Variants in PTCSC3 observed in about 807,000 individuals in gnomAD.
The protein encoded by PTCSC3 is papillary thyroid carcinoma susceptibility candidate 3.
intron 2 of PTCSC3, among the ~76,000 whole-genome samples, chr14:36,157,814 G>T (rs1881862414): frequency 1.3e-5 from 2 of 152,138 alleles, no homozygotes; most frequent in Non-Finnish European, 2.9e-5. Context: ...GTAGCTTGAT[G>T]GGGATAGCAT....
chr14:36,149,056 T>C (rs1881663362), intron 3 of PTCSC3, among the ~76,000 whole-genome samples: 1 of 151,992 alleles, frequency 6.6e-6, no homozygotes, highest in Non-Finnish European at 1.5e-5. Flanking sequence ...GTTATATAAC[T>C]CTTTCTCTAG....
At position 36,142,976 on chromosome 14, in the gene PTCSC3, A is replaced by T. The variant is rs576126008; in HGVS notation, n.323-6620T>A. 3.4e-3 allele frequency among the ~76,000 whole-genome samples: 514 copies of T among 152,200 alleles called. 2 individuals are homozygous for T. The highest frequency in any genetic ancestry group is 9.6e-3 in the African/African-American group (399 of 41,504). ...TCCAATTTCACCCATGTCCCTACAA[A>T]GGACATGAACTCATCATTTTTTATG... is the stretch of plus-strand genomic sequence containing the variant. On this transcript the variant is annotated intron_variant and non_coding_transcript_variant, in intron 3 of 3. Coordinates refer to ENST00000556013, the Ensembl canonical transcript of PTCSC3.
intron 1 of PTCSC3, among the ~76,000 whole-genome samples, chr14:36,174,098 T>C (rs1279641037): frequency 1.3e-5 from 2 of 152,138 alleles, no homozygotes; most frequent in African/African-American, 4.8e-5. Context: ...TGTGGGTTCG[T>C]TGAAATTCTT....
intron 1 of PTCSC3, among the ~76,000 whole-genome samples, chr14:36,172,902 AAAGT>A (rs1882214478): frequency 1.3e-5 from 2 of 152,114 alleles, no homozygotes; most frequent in South Asian, 2.1e-4. Context: ...CTGTGATCAT[AAAGT>A]AATTGGCTCT....
chr14:36,142,929 T>A (rs1421597746), intron 3 of PTCSC3, among the ~76,000 whole-genome samples: 4 of 151,678 alleles, frequency 2.6e-5, no homozygotes, highest in African/African-American at 9.7e-5. Context: ...GTTATTGCGA[T>A]AGTTTACTGA....
intron 3 of PTCSC3, among the ~76,000 whole-genome samples, chr14:36,138,724 A>G (rs574353125): frequency 5.3e-5 from 8 of 152,360 alleles, no homozygotes; most frequent in African/African-American, 1.9e-4. Context: ...TGGGAATGTA[A>G]AATTATATAA....
At chr14:36,169,539 C>T (rs1356242230) in intron 1 of PTCSC3, among the ~76,000 whole-genome samples, 1 of 152,056 alleles carries the variant, frequency 6.6e-6, no homozygotes, top group Non-Finnish European at 1.5e-5. Flanking sequence ...TGCTCTCTTT[C>T]TCTAGTTGGT....
intron 3 of PTCSC3, among the ~76,000 whole-genome samples, chr14:36,147,247 C>T (rs1165229370): frequency 6.6e-6 from 1 of 152,190 alleles, no homozygotes; most frequent in East Asian, 1.9e-4. Flanking sequence ...GGATAATATC[C>T]TGCAGCATGT....
intron 3 of PTCSC3, among the ~76,000 whole-genome samples, chr14:36,150,311 C>T (rs1881692116): frequency 6.6e-6 from 1 of 152,046 alleles, no homozygotes; most frequent in Non-Finnish European, 1.5e-5. Context: ...TATAAAGAGG[C>T]CCAAGGCACT....
At chr14:36,168,470 G>A (rs1882137349) in intron 1 of PTCSC3, among the ~76,000 whole-genome samples, 1 of 149,526 alleles carries the variant, frequency 6.7e-6, no homozygotes, top group Admixed American at 6.7e-5. Flanking sequence ...AATCCTTCCA[G>A]CTAGTTAAGG....
chr14:36,139,676 G>C (rs1881374652), intron 3 of PTCSC3, among the ~76,000 whole-genome samples: 1 of 152,098 alleles, frequency 6.6e-6, no homozygotes, highest in Admixed American at 6.5e-5. Flanking sequence ...AAAATTAATA[G>C]GCTATATTTT....
intron 2 of PTCSC3, among the ~76,000 whole-genome samples, chr14:36,155,953 C>T (rs1881816588): frequency 1.3e-5 from 2 of 152,308 alleles, no homozygotes; most frequent in South Asian, 4.1e-4. Flanking sequence ...AATGTTACTG[C>T]ATCCAATAGA....
intron 2 of PTCSC3, among the ~76,000 whole-genome samples, chr14:36,158,220 C>T (rs945620947): frequency 2.6e-5 from 4 of 152,170 alleles, no homozygotes; most frequent in Non-Finnish European, 4.4e-5. Flanking sequence ...TTGACTTCCT[C>T]TTTTCTTAAT....
intron 1 of PTCSC3, among the ~76,000 whole-genome samples, chr14:36,169,860 A>G (rs1882162015): frequency 6.6e-6 from 1 of 152,100 alleles, no homozygotes; most frequent in Non-Finnish European, 1.5e-5. Flanking sequence ...AGATACAACA[A>G]TCCTTGCCTT....
At chr14:36,146,374 A>C (rs1344708931) in intron 3 of PTCSC3, among the ~76,000 whole-genome samples, 1 of 150,256 alleles carries the variant, frequency 6.7e-6, no homozygotes, top group African/African-American at 2.4e-5. Context: ...TATTTAGGAT[A>C]GTTAGCTCTT....
intron 3 of PTCSC3, among the ~76,000 whole-genome samples, chr14:36,148,739 C>T (rs149424430): frequency 2.0e-5 from 3 of 152,274 alleles, no homozygotes; most frequent in Admixed American, 6.5e-5. Flanking sequence ...GTCTATTTCT[C>T]CTTGTATGAG....
At chr14:36,158,802 T>C (rs1038364871) in intron 2 of PTCSC3, among the ~76,000 whole-genome samples, 5 of 152,190 alleles carry the variant, frequency 3.3e-5, no homozygotes, top group African/African-American at 7.2e-5. Flanking sequence ...CTTTTTCTTT[T>C]GTTTGGAATA....
At chr14:36,156,182 A>G (rs145714986) in intron 2 of PTCSC3, among the ~76,000 whole-genome samples, 158 of 152,328 alleles carry the variant, frequency 1.0e-3, no homozygotes, top group African/African-American at 3.5e-3. Flanking sequence ...CATGGTGAGC[A>G]TTGCAGACTG....
intron 3 of PTCSC3, among the ~76,000 whole-genome samples, chr14:36,138,053 G>A (rs2139085619): frequency 6.6e-6 from 1 of 152,264 alleles, no homozygotes; most frequent in South Asian, 2.1e-4. Flanking sequence ...GGGGTGGTGA[G>A]GAAGAAATGG....
Sources: allele counts gnomAD v4.1 joint callset (sites outside exome capture counted in the v4.1 genomes callset), GRCh38; gene constraint gnomAD v4.1.1; transcripts MANE v1.5; gene names NCBI Gene and HGNC (gene_info 2026-07-23, HGNC 2026-07-21).